ADAMTS12: variants seen among roughly 807,000 people sequenced by gnomAD.
The protein encoded by ADAMTS12 is A disintegrin and metalloproteinase with thrombospondin motifs 12.
ADAMTS12 carries 118 observed loss-of-function variants against 167.8 expected under a neutral mutation model. The observed-to-expected ratio is 0.70, with a 90% confidence interval of 0.61 to 0.82. The LOEUF (loss-of-function observed/expected upper bound fraction) is 0.82. Among genes scored for constraint, ADAMTS12 ranks in the 40% least tolerant of loss-of-function variants. The pLI, the probability that ADAMTS12 is intolerant of heterozygous loss-of-function variation, is 0.00. For synonymous variants in ADAMTS12, 704 were observed against 716.9 expected, an observed-to-expected ratio of 0.98 and a Z score of 0.29; for missense variants, 1,916 against 1,998.8, an observed-to-expected ratio of 0.96 and a Z score of 0.79.
chr5:33,554,260 A>G (rs1029944806), intron 20 of ADAMTS12, among the ~76,000 whole-genome samples: 3 of 152,220 alleles, frequency 2.0e-5, no homozygotes, highest in African/African-American at 7.2e-5. Context: ...GTGAACCCAC[A>G]TGGCTTGTCT....
intron 3 of ADAMTS12, among the ~76,000 whole-genome samples, chr5:33,738,675 C>T (rs548444776): frequency 5.6e-4 from 86 of 152,340 alleles, no homozygotes; most frequent in Admixed American, 4.5e-3. Context: ...ATGGGAAACT[C>T]GCTATGTTGG....
intron 14 of ADAMTS12, among the ~76,000 whole-genome samples, chr5:33,622,845 T>C (rs1739400987): frequency 6.6e-6 from 1 of 152,196 alleles, no homozygotes; most frequent in Non-Finnish European, 1.5e-5. Flanking sequence ...CCGGTTATCA[T>C]TCACATTCCA....
Position 33,641,826 on chromosome 5 carries a change from G to T in ADAMTS12, c.1702C>A (p.Leu568Ile). The change falls in exon 11 of 24, where the codon CTC becomes ATC. Residue 568 changes from leucine (L) to isoleucine (I), a missense_variant. Coordinates refer to ENST00000504830, the MANE Select transcript of ADAMTS12 (RefSeq NM_030955.4). ...CGAGVQSAER[L>I]CNNPEPKFGG... is the part of the protein sequence containing the mutation. ...TGGACTCACTCGGGGTTGTTGCAGA[G>T]CCTCTCTGCGCTCTGGACTCCAGCC... 1 of 1,610,918 alleles carries T rather than the reference G, an allele frequency of 6.2e-7. No homozygotes were observed. Among genetic ancestry groups the T allele is most frequent in the African/African-American group, 1.3e-5 (1 of 74,980 alleles).
intron 2 of ADAMTS12, among the ~76,000 whole-genome samples, chr5:33,839,748 T>A (rs1192706145): frequency 6.6e-6 from 1 of 152,200 alleles, no homozygotes; most frequent in African/African-American, 2.4e-5. Context: ...TCAAAAAGGT[T>A]GTATCGCGTT....
intron 19 of ADAMTS12, among the ~76,000 whole-genome samples, chr5:33,565,089 G>C (rs1745945519): frequency 6.6e-6 from 1 of 152,054 alleles, no homozygotes; most frequent in Non-Finnish European, 1.5e-5. Flanking sequence ...AAAAATCAGG[G>C]ACAGTGAGGA....
Position 33,853,727 on chromosome 5 carries a change from G to C in ADAMTS12, c.489+27392C>G, listed in dbSNP as rs550419149. ...TGCCACAAGGATGCAAGACATAAAA[G>C]GGTGAACTCAAATAGAATTAGTGTC... On this transcript the variant is annotated intron_variant, in intron 2 of 23. Coordinates refer to ENST00000504830, the MANE Select transcript of ADAMTS12 (RefSeq NM_030955.4). Among the ~76,000 whole-genome samples the C allele has an allele frequency of 2.6e-5, 4 of 152,312 alleles. No individual in the cohort carries two copies. In the South Asian group the frequency reaches 6.2e-4, roughly 24 times the overall value.
intron 3 of ADAMTS12, among the ~76,000 whole-genome samples, chr5:33,692,880 A>G (rs1020011636): frequency 2.0e-5 from 3 of 152,358 alleles, no homozygotes; most frequent in African/African-American, 4.8e-5. Flanking sequence ...AAATAATCCC[A>G]TGAGTCCTAC....
rs575483988 is a variant in ADAMTS12 at position 33,743,613 on chromosome 5, C to T, written c.634+7791G>A. Among the ~76,000 whole-genome samples the T allele has an allele frequency of 1.4e-4, 21 of 152,298 alleles. 1 individual carries two copies. Among genetic ancestry groups the T allele is most frequent in the African/African-American group, 4.3e-4 (18 of 41,550 alleles). On this transcript the variant is annotated intron_variant, in intron 3 of 23. Coordinates refer to ENST00000504830, the MANE Select transcript of ADAMTS12 (RefSeq NM_030955.4). ...TGTTCACCCTTGTATCCTAATTACC[C>T]GGTGTCTGGCACAGTGTGAGTGTGG... is the stretch of plus-strand genomic sequence containing the variant.
intron 3 of ADAMTS12, among the ~76,000 whole-genome samples, chr5:33,719,226 CA>C (rs1205957714): frequency 8.6e-5 from 13 of 151,962 alleles, no homozygotes; most frequent in African/African-American, 3.1e-4. Context: ...GCAAAGTATG[CA>C]AAATATATGC....
intron 3 of ADAMTS12, among the ~76,000 whole-genome samples, chr5:33,710,187 T>A (rs917481597): frequency 3.9e-5 from 6 of 152,184 alleles, no homozygotes; most frequent in Admixed American, 2.0e-4. Context: ...TCAGAACTAT[T>A]TTTAGAGTTT....
intron 2 of ADAMTS12, among the ~76,000 whole-genome samples, chr5:33,833,875 T>C (rs1276986387): frequency 6.6e-6 from 1 of 151,998 alleles, no homozygotes; most frequent in Non-Finnish European, 1.5e-5. Flanking sequence ...ATTAACTACA[T>C]GCATAGGAAA....
chr5:33,599,449 T>G (rs1026141964), intron 16 of ADAMTS12, among the ~76,000 whole-genome samples: 1 of 152,186 alleles, frequency 6.6e-6, no homozygotes, highest in African/African-American at 2.4e-5. Context: ...TTCTCTTCCC[T>G]GCCCTAAACC....
intron 22 of ADAMTS12, among the ~76,000 whole-genome samples, chr5:33,537,428 T>C (rs969048263): frequency 6.6e-6 from 1 of 152,258 alleles, no homozygotes. Flanking sequence ...AGTTGGCATG[T>C]GGCCTTGGGC....
intron 2 of ADAMTS12, among the ~76,000 whole-genome samples, chr5:33,777,543 G>A (rs1251067777): frequency 6.6e-6 from 1 of 151,962 alleles, no homozygotes; most frequent in East Asian, 1.9e-4. Flanking sequence ...CATAATAAAG[G>A]CCATATATGA....
chr5:33,884,186 A>G (rs529804195), intron 1 of ADAMTS12, among the ~76,000 whole-genome samples: 5 of 152,230 alleles, frequency 3.3e-5, no homozygotes, highest in African/African-American at 7.2e-5. Flanking sequence ...AGGTCCCTCA[A>G]TGTGGACAAT....
chr5:33,683,190 A>T (rs999244682), intron 4 of ADAMTS12, 89 bp from the exon 5 acceptor site: 8 of 1,027,520 alleles, frequency 7.8e-6, no homozygotes, highest in Non-Finnish European at 1.1e-5. Flanking sequence ...ATGCACATAA[A>T]ATAAAGGTTT....
In ADAMTS12 at chr5:33,644,333, C is replaced by T. The variant is rs150796653; in HGVS notation, c.1480-863G>A. On this transcript the variant is annotated intron_variant, in intron 9 of 23. Transcript: ENST00000504830. Reference sequence around the variant, plus strand: ...TCTCAATCTTGTTGTATATGAAAACCGAAGAAACTTTCTCCTCCATCACAC... The same window carrying T: ...TCTCAATCTTGTTGTATATGAAAACTGAAGAAACTTTCTCCTCCATCACAC... Among the ~76,000 whole-genome samples, 315 of 152,250 alleles carry T rather than the reference C, an allele frequency of 2.1e-3. 2 individuals are homozygous for T. The highest frequency in any genetic ancestry group is 7.0e-3 in the African/African-American group (292 of 41,536).
chr5:33,655,698 G>T (rs918608635), intron 7 of ADAMTS12, among the ~76,000 whole-genome samples: 1 of 150,990 alleles, frequency 6.6e-6, no homozygotes, highest in Non-Finnish European at 1.5e-5. Context: ...GTGCAGGTTT[G>T]TTACATAAGT....
At chr5:33,675,650 G>T (rs1741876596) in intron 5 of ADAMTS12, among the ~76,000 whole-genome samples, 1 of 151,992 alleles carries the variant, frequency 6.6e-6, no homozygotes, top group African/African-American at 2.4e-5. Flanking sequence ...TCTGCAATAT[G>T]TGACATTTAA....
Sources: allele counts gnomAD v4.1 joint callset (sites outside exome capture counted in the v4.1 genomes callset), GRCh38; gene constraint gnomAD v4.1.1; transcripts MANE v1.5; gene names NCBI Gene and HGNC (gene_info 2026-07-23, HGNC 2026-07-21).